Variants in NPAS1 observed in about 807,000 individuals in gnomAD.
NPAS1 encodes neuronal PAS domain protein 1.
A neutral mutation model predicts 49.2 loss-of-function variants in NPAS1; 29 were observed. That is an observed-to-expected ratio of 0.59 (90% confidence interval 0.44 to 0.80). The LOEUF is 0.80. Among genes scored for constraint, NPAS1 ranks in the 30% least tolerant of loss-of-function variants. The pLI, the probability that NPAS1 is intolerant of heterozygous loss-of-function variation, is 0.00. For synonymous variants in NPAS1, 408 were observed against 380.4 expected (o/e 1.07, Z -0.84); for missense variants, 825 against 835.5 (o/e 0.99, Z 0.15).
chr19:47,025,740 T>A (rs2122447492), intron 3 of NPAS1, among the ~76,000 whole-genome samples: 1 of 151,928 alleles, frequency 6.6e-6, no homozygotes, highest in African/African-American at 2.4e-5. Context: ...CACGCCTAGC[T>A]ACTTTTTGCA....
intron 6 of NPAS1, among the ~76,000 whole-genome samples, chr19:47,037,713 A>G (rs2056972519): frequency 1.3e-5 from 2 of 152,178 alleles, no homozygotes; most frequent in Non-Finnish European, 2.9e-5. Flanking sequence ...AACATCTGAG[A>G]CATCAGCTGT....
chr19:47,035,637 T>C (rs971533900), intron 5 of NPAS1, among the ~76,000 whole-genome samples: 1 of 152,164 alleles, frequency 6.6e-6, no homozygotes, highest in Non-Finnish European at 1.5e-5. Context: ...AGTTGTTTGC[T>C]GTATGGGGGT....
rs2056843259 is a variant in NPAS1 at position 47,021,750 on chromosome 19, C to T, written c.261C>T (p.Ile87=). The T allele has an allele frequency of 5.2e-6, 8 of 1,544,164 alleles. No individual in the cohort carries two copies. Among genetic ancestry groups the T allele is most frequent in the South Asian group, 1.2e-5 (1 of 83,228 alleles). Residue 87 remains isoleucine, a synonymous_variant, in exon 3 of 12, where the codon ATC becomes ATT. Coordinates refer to ENST00000602212, the MANE Select transcript of NPAS1 (RefSeq NM_002517.4). This position sits in a 1 kb window ranked among gnomAD's most constrained non-coding sequence, Gnocchi z 5.7. ...CCAGCCAGCTGGACAAGGCTTCCAT[C>T]GTGCGCCTCAGCGTCACCTACCTCC... is the stretch of plus-strand genomic sequence containing the variant. ...AISSQLDKAS[I]VRLSVTYLRL...
At position 47,021,751 on chromosome 19, in the gene NPAS1, G is replaced by A. The variant is rs765710648; in HGVS notation, c.262G>A (p.Val88Met). ...ISSQLDKASI[V>M]RLSVTYLRLR... The stretch of plus-strand genomic sequence containing the variant: ...CAGCCAGCTGGACAAGGCTTCCATC[G>A]TGCGCCTCAGCGTCACCTACCTCCG... Residue 88 changes from valine (V) to methionine (M), a missense_variant, in exon 3 of 12, where the codon GTG becomes ATG. Physicochemically the swap from Val to Met is conservative, Grantham distance 21. Transcript: ENST00000602212. This position sits in a 1 kb window ranked among gnomAD's most constrained non-coding sequence, Gnocchi z 5.7. The A allele has an allele frequency of 2.6e-6, 4 of 1,543,350 alleles. No individual in the cohort carries two copies. In the South Asian group the frequency reaches 3.6e-5, roughly 14 times the overall value.
rs1383036032 is a variant in NPAS1 at position 47,025,586 on chromosome 19, A to AT, written c.358+3746dup. 4.0e-5 allele frequency among the ~76,000 whole-genome samples: 6 copies of AT among 148,908 alleles called. No individual in the cohort carries two copies. The South Asian group carries it at 8.6e-4, about 21-fold the overall frequency. On this transcript the variant is annotated intron_variant, in intron 3 of 11. Coordinates refer to ENST00000602212, the MANE Select transcript of NPAS1 (RefSeq NM_002517.4). ...AGCCACCGCACCCAGCCCTTTTTAA[A>AT]TTTTTTTGAAACAGGGTCTTGCTCT...
chr19:47,044,853 C>A (rs2057057564), intron 11 of NPAS1, among the ~76,000 whole-genome samples: 1 of 152,052 alleles, frequency 6.6e-6, no homozygotes, highest in Admixed American at 6.5e-5. Flanking sequence ...AACATGGCGA[C>A]ACCCCATCTC....
chr19:47,021,811 T>C lies in NPAS1; in HGVS notation c.322T>C (p.Trp108Arg). The change falls in exon 3 of 12, where the codon TGG becomes CGG. Residue 108 changes from tryptophan to arginine, a missense_variant. Coordinates refer to ENST00000602212, the MANE Select transcript of NPAS1 (RefSeq NM_002517.4). This position sits in a 1 kb window ranked among gnomAD's most constrained non-coding sequence, Gnocchi z 5.7. ...GTTCGCCGCGCTGGGGGCGCCGCCC[T>C]GGGGGCTGAGAGCCGCGGGGCCGCC... Reference protein sequence around the residue: ...RRFAALGAPPWGLRAAGPPAG... With the variant: ...RRFAALGAPPRGLRAAGPPAG... 1.3e-6 allele frequency: 2 copies of C among 1,524,554 alleles called. No individual in the cohort carries two copies. The highest frequency in any genetic ancestry group is 1.4e-5 in the African/African-American group (1 of 70,024). 94.4% of individuals were successfully genotyped at this position (1,524,554 alleles called of 1,614,324 possible). A position where few individuals can be genotyped will look rare whatever the true frequency, so the allele number is the denominator to read the frequency against.
chr19:47,041,979 CAAAAAAAA>C (rs369320245), intron 10 of NPAS1, among the ~76,000 whole-genome samples: 39 of 96,124 alleles, frequency 4.1e-4, no homozygotes, highest in African/African-American at 1.7e-3. Flanking sequence ...GACCCTGTCT[CAAAAAAAA>C]AAAAAAAAAA....
Position 47,045,646 on chromosome 19 carries a change from G to A in NPAS1, c.1768G>A (p.Asp590Asn), listed in dbSNP as rs2057071766. ...PAGTRLPRKG[D>N] ...GGGCACCAGGCTGCCGCGGAAGGGGGACTGAGGACTGGCAGAGCTGCCGGC... is the reference window on the plus strand; with the variant it reads ...GGGCACCAGGCTGCCGCGGAAGGGGAACTGAGGACTGGCAGAGCTGCCGGC... Residue 590 changes from aspartate (D) to asparagine (N), a missense_variant, in exon 12 of 12, where the codon GAC becomes AAC. Asp to Asn is a conservative substitution (Grantham distance 23). Coordinates refer to ENST00000602212, the MANE Select transcript of NPAS1 (RefSeq NM_002517.4). 1 of 1,417,708 alleles carries A rather than the reference G, an allele frequency of 7.1e-7. No individual in the cohort carries two copies. Among genetic ancestry groups the A allele is most frequent in the East Asian group, 2.8e-5 (1 of 36,030 alleles). The allele number at this position is 1,417,708 out of a possible 1,614,324, so 87.8% of individuals were successfully genotyped here.
At position 47,021,244 on chromosome 19, in the gene NPAS1, C is replaced by G; in HGVS notation, c.122+75C>G. On this transcript the variant is annotated intron_variant, in intron 2 of 11. Transcript: ENST00000602212. This position sits in a 1 kb window ranked among gnomAD's most constrained non-coding sequence, Gnocchi z 5.7. ...TCACACCCGATGTTCTGTCCCCGTGCCAAGGGGCAGTTCACACCCAGCTCC... is the reference window on the plus strand; with the variant it reads ...TCACACCCGATGTTCTGTCCCCGTGGCAAGGGGCAGTTCACACCCAGCTCC... 1.5e-6 allele frequency: 2 copies of G among 1,334,722 alleles called. No individual in the cohort carries two copies. Among genetic ancestry groups the G allele is most frequent in the Non-Finnish European group, 2.0e-6 (2 of 994,236 alleles). The allele number at this position is 1,334,722 out of a possible 1,614,324, so 82.7% of individuals were successfully genotyped here. A position where few individuals can be genotyped will look rare whatever the true frequency, so the allele number is the denominator to read the frequency against.
In NPAS1 at chr19:47,032,322, G is replaced by A. The variant is rs763416466; in HGVS notation, c.403G>A (p.Glu135Lys). ...GPAALVSEVF[E>K]QHLGGHILQS... ...CGCAGCGCTGGTCTCCGAAGTCTTC[G>A]AGCAGCACCTGGGAGGTCACATCTT... Residue 135 changes from glutamate to lysine, a missense_variant, in exon 4 of 12, where the codon GAG becomes AAG. Transcript: ENST00000602212. 5 of 1,613,874 alleles carry A rather than the reference G, an allele frequency of 3.1e-6. No homozygotes were observed. Among genetic ancestry groups the A allele is most frequent in the Non-Finnish European group, 1.7e-6 (2 of 1,179,996 alleles).
intron 10 of NPAS1, among the ~76,000 whole-genome samples, chr19:47,042,191 C>T (rs2861533): frequency 0.22 from 33,587 of 151,684 alleles, 4,209 homozygotes; most frequent in South Asian, 0.39. Flanking sequence ...CGCCTGTAAT[C>T]CCAGCTACTC....
intron 6 of NPAS1, among the ~76,000 whole-genome samples, chr19:47,036,886 A>C (rs1019799365): frequency 7.9e-5 from 12 of 151,790 alleles, no homozygotes; most frequent in African/African-American, 2.9e-4. Flanking sequence ...TCCAAAAAAA[A>C]CAACAACAAC....
intron 5 of NPAS1, 97 bp from the exon 6 acceptor site, chr19:47,035,867 G>A: frequency 7.8e-7 from 1 of 1,275,330 alleles, no homozygotes; most frequent in Non-Finnish European, 1.1e-6. Flanking sequence ...AAGCGCACCT[G>A]CGTGCAGGCA....
intron 3 of NPAS1, among the ~76,000 whole-genome samples, chr19:47,022,769 A>G (rs932550619): frequency 6.6e-6 from 1 of 152,280 alleles, no homozygotes; most frequent in African/African-American, 2.4e-5. Context: ...GCAAAGCAAT[A>G]TAATCTAGAA....
At chr19:47,024,480 C>G (rs542648247) in intron 3 of NPAS1, among the ~76,000 whole-genome samples, 3 of 146,116 alleles carry the variant, frequency 2.1e-5, no homozygotes, top group African/African-American at 7.5e-5. Flanking sequence ...AGCGAGACCC[C>G]GTTCTCCAGA....
At chr19:47,023,754 A>C (rs1165068304) in intron 3 of NPAS1, among the ~76,000 whole-genome samples, 1 of 152,012 alleles carries the variant, frequency 6.6e-6, no homozygotes, top group Non-Finnish European at 1.5e-5. Flanking sequence ...GGAGTTCGAG[A>C]CCAGCCAGGG....
chr19:47,039,710 A>C, intron 8 of NPAS1, 146 bp downstream of exon 8: 1 of 948,028 alleles, frequency 1.1e-6, no homozygotes, highest in Non-Finnish European at 1.5e-6. Flanking sequence ...GGACAGGGTG[A>C]TGGGGAGAAG....
chr19:47,039,905 T>C (rs1265779668), intron 8 of NPAS1, among the ~76,000 whole-genome samples: 1 of 147,374 alleles, frequency 6.8e-6, no homozygotes, highest in Non-Finnish European at 1.5e-5. Flanking sequence ...CATCCCGCAG[T>C]GGAGGCAAAT....
Sources: allele counts gnomAD v4.1 joint callset (sites outside exome capture counted in the v4.1 genomes callset), GRCh38; gene constraint gnomAD v4.1.1; non-coding constraint Gnocchi (gnomAD v3.1); transcripts MANE v1.5; gene names NCBI Gene and HGNC (gene_info 2026-07-23, HGNC 2026-07-21).